The following SPOCK1 variants were observed in gnomAD, a reference collection of about 807,000 sequenced individuals.
SPOCK1 encodes the protein SPARC (osteonectin), cwcv and kazal like domains proteoglycan 1.
Under a neutral mutation model 55.3 loss-of-function variants are expected in SPOCK1, and 23 were observed. That is an observed-to-expected ratio of 0.42 (90% CI 0.30 to 0.59). The LOEUF is 0.59. Ranked by LOEUF, SPOCK1 falls within the 20% of genes least tolerant of loss-of-function variation. SPOCK1 has a pLI of 0.22. For missense variants in SPOCK1, 499 were observed against 552.5 expected, an observed-to-expected ratio of 0.90 and a Z score of 0.97; for synonymous variants, 226 against 221.0, an observed-to-expected ratio of 1.02 and a Z score of -0.20.
intron 3 of SPOCK1, among the ~76,000 whole-genome samples, chr5:137,203,355 C>A (rs372580852): frequency 1.3e-5 from 2 of 152,024 alleles, no homozygotes; most frequent in South Asian, 2.1e-4. Flanking sequence ...ATAAGGTTCA[C>A]GAGAGCTTCA....
At chr5:137,012,453 C>T (rs568995864) in intron 6 of SPOCK1, among the ~76,000 whole-genome samples, 8 of 152,258 alleles carry the variant, frequency 5.3e-5, no homozygotes, top group South Asian at 4.1e-4. Flanking sequence ...ACATGCAATT[C>T]CAAGTGATAG....
intron 4 of SPOCK1, among the ~76,000 whole-genome samples, chr5:137,129,681 G>A (rs114788879): frequency 0.01 from 1,581 of 152,252 alleles, 29 homozygotes; most frequent in African/African-American, 0.037. Flanking sequence ...GTGCAGGTCT[G>A]AAGATATCTC....
At chr5:137,050,853 T>C (rs1034002403) in intron 6 of SPOCK1, among the ~76,000 whole-genome samples, 4 of 152,200 alleles carry the variant, frequency 2.6e-5, no homozygotes, top group African/African-American at 9.7e-5. Flanking sequence ...ATCTCAAACA[T>C]TGACTCTCTA....
intron 2 of SPOCK1, among the ~76,000 whole-genome samples, chr5:137,412,088 G>A (rs1752219509): frequency 6.6e-6 from 1 of 152,162 alleles, no homozygotes; most frequent in African/African-American, 2.4e-5. Context: ...AGAGCCACCT[G>A]TCATGGAGAT....
intron 2 of SPOCK1, among the ~76,000 whole-genome samples, chr5:137,281,263 T>C (rs1454260495): frequency 6.6e-6 from 1 of 152,162 alleles, no homozygotes; most frequent in Non-Finnish European, 1.5e-5. Context: ...TTACATGAAT[T>C]CACATAGCAC....
chr5:137,023,677 C>T (rs17170860), intron 6 of SPOCK1, among the ~76,000 whole-genome samples: 3,075 of 152,168 alleles, frequency 0.02, 94 homozygotes, highest in African/African-American at 0.068. Context: ...ATCTGCAATG[C>T]GATGCCCAGA....
intron 2 of SPOCK1, among the ~76,000 whole-genome samples, chr5:137,346,442 CA>C (rs1183337504): frequency 6.6e-6 from 1 of 152,140 alleles, no homozygotes; most frequent in Admixed American, 6.5e-5. Flanking sequence ...ACTCCCAAGT[CA>C]AAAGGCAGGA....
At chr5:136,987,971 C>T (rs1750875950) in intron 8 of SPOCK1, among the ~76,000 whole-genome samples, 1 of 152,180 alleles carries the variant, frequency 6.6e-6, no homozygotes, top group African/African-American at 2.4e-5. Context: ...TTATTTATAA[C>T]CAAAATATTC....
intron 2 of SPOCK1, among the ~76,000 whole-genome samples, chr5:137,447,048 A>AATCC (rs1753144305): frequency 6.6e-6 from 1 of 152,130 alleles, no homozygotes; most frequent in African/African-American, 2.4e-5. Flanking sequence ...TTTACCCATT[A>AATCC]ATCCATCAGT....
chr5:137,159,602 G>C (rs559391325), intron 3 of SPOCK1, among the ~76,000 whole-genome samples: 2 of 151,094 alleles, frequency 1.3e-5, no homozygotes, highest in African/African-American at 4.9e-5. Context: ...TTGGTTTTCT[G>C]TTCCTAAGTT....
chr5:137,317,135 G>A (rs1400923699), intron 2 of SPOCK1, among the ~76,000 whole-genome samples: 1 of 152,228 alleles, frequency 6.6e-6, no homozygotes, highest in Non-Finnish European at 1.5e-5. Flanking sequence ...TCTTTTGGCA[G>A]AGGTGAGTGC....
intron 2 of SPOCK1, among the ~76,000 whole-genome samples, chr5:137,377,896 A>G (rs1362245348): frequency 6.6e-6 from 1 of 152,154 alleles, no homozygotes; most frequent in East Asian, 1.9e-4. Context: ...GCCTAAATGC[A>G]AAGCAGGAGA....
intron 2 of SPOCK1, among the ~76,000 whole-genome samples, chr5:137,362,549 C>T (rs369060158): frequency 1.3e-5 from 2 of 151,790 alleles, no homozygotes; most frequent in African/African-American, 4.8e-5. Context: ...AGGATGGTCT[C>T]GATCTCCTGA....
intron 3 of SPOCK1, among the ~76,000 whole-genome samples, chr5:137,221,537 C>T: frequency 6.6e-6 from 1 of 152,158 alleles, no homozygotes; most frequent in Non-Finnish European, 1.5e-5. Context: ...TTCCTAATAA[C>T]CGAGACCTTT....
At chr5:137,418,425 T>A (rs971247890) in intron 2 of SPOCK1, among the ~76,000 whole-genome samples, 5 of 152,084 alleles carry the variant, frequency 3.3e-5, no homozygotes, top group African/African-American at 1.2e-4. Flanking sequence ...CCACCAACAG[T>A]GTAAAAGTGT....
rs1491351108 is a variant in SPOCK1 at position 137,356,798 on chromosome 5, A to ATATATATATATATATAT, written c.187-89744_187-89743insATATATATATATATATA. 2.2e-4 allele frequency among the ~76,000 whole-genome samples: 3 copies of ATATATATATATATATAT among 13,742 alleles called. 1 individual carries two copies. Among genetic ancestry groups the ATATATATATATATATAT allele is most frequent in the Non-Finnish European group, 3.6e-4 (3 of 8,230 alleles). The allele number at this position is 13,742 out of a possible 152,430, so 9.0% of individuals were successfully genotyped here. On this transcript the variant is annotated intron_variant, in intron 2 of 10. Transcript: ENST00000394945. ...AGAGCAAGACTGTCTCAAAAAAAAT[A>ATATATATATATATATAT]ATATATATATATATATATATATATA...
At chr5:137,110,004 T>C (rs746726448) in intron 5 of SPOCK1, among the ~76,000 whole-genome samples, 1 of 152,182 alleles carries the variant, frequency 6.6e-6, no homozygotes, top group Non-Finnish European at 1.5e-5. Flanking sequence ...CCTCACCCCA[T>C]GTTTTGCACA....
chr5:137,153,118 C>G (rs1300201824), intron 3 of SPOCK1, among the ~76,000 whole-genome samples: 1 of 152,220 alleles, frequency 6.6e-6, no homozygotes, highest in Non-Finnish European at 1.5e-5. Context: ...GGTCCATGGG[C>G]TTAACCACTA....
At chr5:137,091,488 T>G (rs1753054626) in intron 5 of SPOCK1, among the ~76,000 whole-genome samples, 1 of 152,242 alleles carries the variant, frequency 6.6e-6, no homozygotes, top group South Asian at 2.1e-4. Context: ...CTGAGAGTGG[T>G]GCCCACTGGC....
Sources: allele counts gnomAD v4.1 joint callset (sites outside exome capture counted in the v4.1 genomes callset), GRCh38; gene constraint gnomAD v4.1.1; transcripts MANE v1.5; gene names NCBI Gene and HGNC (gene_info 2026-07-23, HGNC 2026-07-21).